KIF21B: variants seen among roughly 807,000 people sequenced by gnomAD.
The protein encoded by KIF21B is kinesin family member 21B, also known as kinesin-like protein KIF21B.
Under a neutral mutation model 192.9 loss-of-function variants are expected in KIF21B, and 85 were observed. The observed-to-expected ratio is 0.44, with a 90% CI of 0.37 to 0.53. The LOEUF (loss-of-function observed/expected upper bound fraction) is 0.53. Ranked by LOEUF, KIF21B falls within the 20% of genes least tolerant of loss-of-function variation. The pLI, the probability that KIF21B is intolerant of heterozygous loss-of-function variation, is 0.00. For synonymous variants in KIF21B, 832 were observed against 884.6 expected, an observed-to-expected ratio of 0.94 and a Z score of 1.05; for missense variants, 1,716 against 2,194.8, an observed-to-expected ratio of 0.78 and a Z score of 4.36.
chr1:200,992,983 TA>T (rs1656802872), intron 15 of KIF21B, among the ~76,000 whole-genome samples: 1 of 152,136 alleles, frequency 6.6e-6, no homozygotes, highest in South Asian at 2.1e-4. Context: ...GTCATAAAAC[TA>T]GTAATGGATG....
rs1327039814 is a variant in KIF21B, at chr1:200,999,180, C to G, written c.1885+169G>C. Among the ~76,000 whole-genome samples the G allele has an allele frequency of 2.0e-5, 3 of 152,160 alleles. No homozygotes were observed. Among genetic ancestry groups the G allele is most frequent in the Non-Finnish European group, 4.4e-5 (3 of 68,016 alleles). On this transcript the variant is annotated intron_variant, in intron 13 of 34. Transcript: ENST00000461742. This position sits in a 1 kb window ranked among gnomAD's most constrained non-coding sequence, Gnocchi z 4.7. ...CAGTGCCTGGCACCTAATGAACGAC[C>G]AGGAAGTGTTTGCCATCATTCTCAT...
rs796425373 is a variant in KIF21B at position 200,982,712 on chromosome 1, C to T, written c.3842+344G>A. Among the ~76,000 whole-genome samples, 2 of 152,204 alleles carry T rather than the reference C, an allele frequency of 1.3e-5. No individual in the cohort carries two copies. The highest frequency in any genetic ancestry group is 1.9e-4 in the East Asian group (1 of 5,196). On this transcript the variant is annotated intron_variant, in intron 28 of 34. Transcript: ENST00000461742. The surrounding 1 kb of genome is among the most constrained non-coding windows in gnomAD (Gnocchi z 4.7). ...TTCAGCATTTCCCCTGCCTTCCAGTCGTGGAGAACTCAGCCCCAGCCCAGC... is the reference window on the plus strand; with the variant it reads ...TTCAGCATTTCCCCTGCCTTCCAGTTGTGGAGAACTCAGCCCCAGCCCAGC...
chr1:200,989,026 C>T, intron 21 of KIF21B, 95 bp from the exon 22 acceptor site: 2 of 1,300,644 alleles, frequency 1.5e-6, no homozygotes, highest in Non-Finnish European at 2.1e-6. Context: ...CCTTGGAGTG[C>T]TCCTTTCCAG....
rs1160783075 is a variant in KIF21B at position 201,003,684 on chromosome 1, T to C, written c.1114A>G (p.Asn372Asp). Residue 372 changes from asparagine (N) to aspartate (D), a missense_variant, in exon 8 of 35, where the codon AAC becomes GAC. Transcript: ENST00000461742. ...KYANRARNIK[N>D]KVVVNQDKTS... is the part of the protein sequence containing the mutation. Reference sequence around the variant, plus strand: ...TTGTCCTGGTTCACTACCACCTTGTTCTTGATGTTGCGGGCCCGATTGGCA... The same window carrying C: ...TTGTCCTGGTTCACTACCACCTTGTCCTTGATGTTGCGGGCCCGATTGGCA... 5 of 1,614,094 alleles carry C rather than the reference T, an allele frequency of 3.1e-6. No individual in the cohort carries two copies. Among genetic ancestry groups the C allele is most frequent in the Non-Finnish European group, 4.2e-6 (5 of 1,180,044 alleles).
chr1:200,997,569 C>T (rs1657150674), intron 14 of KIF21B, among the ~76,000 whole-genome samples: 1 of 152,164 alleles, frequency 6.6e-6, no homozygotes, highest in African/African-American at 2.4e-5. Flanking sequence ...ATAGTGAAAC[C>T]CTGTCTCTAC....
Position 200,983,126 on chromosome 1 carries a change from G to T in KIF21B, c.3804-32C>A, listed in dbSNP as rs1210759288. ...AGGGCAGAAAATTAGCTGGATTAGG[G>T]GGTGAGAGGAGACACACACAGAGGG... On this transcript the variant is annotated intron_variant, in intron 27 of 34. Transcript: ENST00000461742. 5.2e-6 allele frequency: 8 copies of T among 1,532,250 alleles called. No individual in the cohort carries two copies. The African/African-American group carries it at 1.1e-4, about 21-fold the overall frequency. The allele number at this position is 1,532,250 out of a possible 1,614,324, so 94.9% of individuals were successfully genotyped here.
chr1:201,018,758 C>G (rs1658654863), intron 1 of KIF21B, among the ~76,000 whole-genome samples: 1 of 152,152 alleles, frequency 6.6e-6, no homozygotes, highest in Non-Finnish European at 1.5e-5. Flanking sequence ...AGTAAGTGTT[C>G]AATACATTAT....
chr1:201,023,288 C>T lies in KIF21B; in HGVS notation c.41+55G>A. The T allele has an allele frequency of 3.4e-6, 5 of 1,468,816 alleles. No individual in the cohort carries two copies. Among genetic ancestry groups the T allele is most frequent in the Non-Finnish European group, 4.6e-6 (5 of 1,096,088 alleles). 91.0% of individuals were successfully genotyped at this position (1,468,816 alleles called of 1,614,324 possible). ...TCGCGCCCCCCGCCCAAAGCCCACG[C>T]GAGACAAAGCCCGAGGCTTCTCCGC... On this transcript the variant is annotated intron_variant, in intron 1 of 34. Coordinates refer to ENST00000461742, the MANE Select transcript of KIF21B (RefSeq NM_001252102.2). The surrounding 1 kb of genome is among the most constrained non-coding windows in gnomAD (Gnocchi z 5.9).
rs983372441 is a variant in KIF21B, at chr1:200,983,005, G to A, written c.3842+51C>T. 1.1e-4 allele frequency: 167 copies of A among 1,491,006 alleles called. 1 individual carries two copies. Among genetic ancestry groups the A allele is most frequent in the Middle Eastern group, 1.1e-3 (6 of 5,678 alleles). The allele number at this position is 1,491,006 out of a possible 1,614,324, so 92.4% of individuals were successfully genotyped here. A position where few individuals can be genotyped will look rare whatever the true frequency, so the allele number is the denominator to read the frequency against. On this transcript the variant is annotated intron_variant, in intron 28 of 34. Coordinates refer to ENST00000461742, the MANE Select transcript of KIF21B (RefSeq NM_001252102.2). ...TGCAGCAAGAGACAGAGAAGAGAGG[G>A]TGCCGAGAGTGAGAGTGGGGAACCA...
At position 200,984,860 on chromosome 1, in the gene KIF21B, T is replaced by C; in HGVS notation, c.3802A>G (p.Lys1268Glu). The change falls in exon 27 of 35, where the codon AAG (lysine) becomes GAG (glutamate). Residue 1268 changes from lysine (K) to glutamate (E), a missense_variant and splice_region_variant. Lys to Glu is a moderately conservative substitution (Grantham distance 56). Coordinates refer to ENST00000461742, the MANE Select transcript of KIF21B (RefSeq NM_001252102.2). ...SNQSQGSALDKSDDSDSSLSE... is the reference protein window; with the variant it reads ...SNQSQGSALDESDDSDSSLSE... ...CACTTGCCCTCCAGCCCTGCTTACT[T>C]GTCCAGCGCTGACCCCTGGCTCTGA... 1 of 1,564,408 alleles carries C rather than the reference T, an allele frequency of 6.4e-7. No individual in the cohort carries two copies. The highest frequency in any genetic ancestry group is 8.6e-7 in the Non-Finnish European group (1 of 1,157,972).
intron 15 of KIF21B, among the ~76,000 whole-genome samples, chr1:200,994,203 C>T (rs1022488959): frequency 6.6e-6 from 1 of 152,206 alleles, no homozygotes; most frequent in African/African-American, 2.4e-5. Flanking sequence ...ACATGACAAG[C>T]GGAAACATGC....
At position 201,000,102 on chromosome 1, in the gene KIF21B, C is replaced by G. The variant is rs540269150; in HGVS notation, c.1686-138G>C. On this transcript the variant is annotated intron_variant, in intron 11 of 34. Transcript: ENST00000461742. This position sits in a 1 kb window ranked among gnomAD's most constrained non-coding sequence, Gnocchi z 6.0. Reference sequence around the variant, plus strand: ...GCACTGGCTCCTACTCTGCAGAGAACCCCACTGCTCTTCCCTAGGGCCACC... The same window carrying G: ...GCACTGGCTCCTACTCTGCAGAGAAGCCCACTGCTCTTCCCTAGGGCCACC... 2 of 784,302 alleles carry G rather than the reference C, an allele frequency of 2.6e-6. No homozygotes were observed. The highest frequency in any genetic ancestry group is 2.2e-5 in the Admixed American group (1 of 45,394). 48.6% of individuals were successfully genotyped at this position (784,302 alleles called of 1,614,324 possible).
In KIF21B at chr1:200,987,078, C is replaced by T. The variant is rs759234752; in HGVS notation, c.3532G>A (p.Gly1178Arg). Reference sequence around the variant, plus strand: ...GGGTCTCGGACAGAGAAGCCCACTCCGTCCTCTTTGATCTCAACGAGGGAG... The same window carrying T: ...GGGTCTCGGACAGAGAAGCCCACTCTGTCCTCTTTGATCTCAACGAGGGAG... ...LASLVEIKED[G>R]VGFSVRDPYY... The change falls in exon 25 of 35, where the codon GGA (glycine) becomes AGA (arginine). Residue 1178 changes from glycine to arginine, a missense_variant. Physicochemically the swap from Gly to Arg is moderately radical, Grantham distance 125. This residue lies in a region of KIF21B where 580 missense variants were observed against 775.5 expected (regional missense o/e 0.75). Coordinates refer to ENST00000461742, the MANE Select transcript of KIF21B (RefSeq NM_001252102.2). 9 of 1,614,074 alleles carry T rather than the reference C, an allele frequency of 5.6e-6. No individual in the cohort carries two copies. Among genetic ancestry groups the T allele is most frequent in the Non-Finnish European group, 5.9e-6 (7 of 1,180,010 alleles).
chr1:200,988,302 CT>C lies in KIF21B; in HGVS notation c.3401del (p.Lys1134SerfsTer12). ...MKGSTSHDDF[K>X]FKSEPKLSAQ... ...GACTTCCGGCGGGGCTCACCTTGAA[CT>C]TGAAATCGTCATGGCTGGTGGAGCC... On this transcript the variant is annotated frameshift_variant, in exon 24 of 35. Transcript: ENST00000461742. LOFTEE classifies it high-confidence loss of function. The C allele has an allele frequency of 6.2e-7, 1 of 1,614,026 alleles. No individual in the cohort carries two copies. The highest frequency in any genetic ancestry group is 1.1e-5 in the South Asian group (1 of 91,078).
chr1:201,018,469 AC>A (rs1038944951), intron 1 of KIF21B, among the ~76,000 whole-genome samples: 1 of 152,234 alleles, frequency 6.6e-6, no homozygotes, highest in African/African-American at 2.4e-5. Flanking sequence ...TCTGCACAGC[AC>A]CATGTGCCTT....
Position 200,992,251 on chromosome 1 carries a change from GCTCCTGGGAGGCTCAAGGGCCACC to G in KIF21B, c.2385+7_2385+30del. 6.3e-7 allele frequency: 1 copy of G among 1,599,104 alleles called. No individual in the cohort carries two copies. The highest frequency in any genetic ancestry group is 8.5e-7 in the Non-Finnish European group (1 of 1,172,036). ...GAGGCTGGGAGTGCTAGGGCCAAAG[GCTCCTGGGAGGCTCAAGGGCCACC>G]CCTCACCTCCTGTCGCCGCTGCTCC... On this transcript the variant is annotated splice_region_variant and intron_variant, in intron 16 of 34. Coordinates refer to ENST00000461742, the MANE Select transcript of KIF21B (RefSeq NM_001252102.2).
rs777904600 is a variant in KIF21B at position 200,988,533 on chromosome 1, C to T, written c.3310G>A (p.Ala1104Thr). Residue 1104 changes from alanine to threonine, a missense_variant, in exon 23 of 35, where the codon GCC (alanine) becomes ACC (threonine). Around this residue, in one of 3 missense-constraint regions of KIF21B, gnomAD observed 580 missense variants for 775.5 expected, o/e 0.75. Transcript: ENST00000461742. Reference sequence around the variant, plus strand: ...TCTGAGATCTCCTCATCTGTGCTGGCGTAGCCATTCTCTGTGGGAGGGCGG... The same window carrying T: ...TCTGAGATCTCCTCATCTGTGCTGGTGTAGCCATTCTCTGTGGGAGGGCGG... ...IYNVQQENGY[A>T]STDEEISEFS... 24 of 1,258,260 alleles carry T rather than the reference C, an allele frequency of 1.9e-5. No individual in the cohort carries two copies. The Middle Eastern group carries it at 6.2e-4, about 33-fold the overall frequency. The allele number at this position is 1,258,260 out of a possible 1,614,324, so 77.9% of individuals were successfully genotyped here. A position where few individuals can be genotyped will look rare whatever the true frequency, so the allele number is the denominator to read the frequency against.
At position 200,986,776 on chromosome 1, in the gene KIF21B, T is replaced by C. The variant is rs1656330124; in HGVS notation, c.3689+68A>G. ...AGATGATCAACAGAGCAGAACATCA[T>C]AGCCACTCATGTAACCAAGAACTAG... On this transcript the variant is annotated intron_variant, in intron 26 of 34. Coordinates refer to ENST00000461742, the MANE Select transcript of KIF21B (RefSeq NM_001252102.2). 1.1e-5 allele frequency: 15 copies of C among 1,322,776 alleles called. No homozygotes were observed. In the Admixed American group the frequency reaches 2.6e-4, roughly 23 times the overall value. The allele number at this position is 1,322,776 out of a possible 1,614,324, so 81.9% of individuals were successfully genotyped here. A position where few individuals can be genotyped will look rare whatever the true frequency, so the allele number is the denominator to read the frequency against.
chr1:201,015,842 C>T (rs1658471256), intron 1 of KIF21B, among the ~76,000 whole-genome samples: 1 of 152,194 alleles, frequency 6.6e-6, no homozygotes, highest in Non-Finnish European at 1.5e-5. Flanking sequence ...TTCCTGCCTG[C>T]AAAGATGATT....
Sources: gnomAD v4.1 joint callset for allele counts (sites outside exome capture counted in the v4.1 genomes callset) on GRCh38, gnomAD v4.1.1 for gene constraint, gnomAD v4.1.1 regional missense constraint, Gnocchi (gnomAD v3.1) non-coding constraint, MANE v1.5 for transcripts, NCBI Gene and HGNC (gene_info 2026-07-23, HGNC 2026-07-21) for gene names.